ZNF385B: variants seen among roughly 807,000 people sequenced by gnomAD.
ZNF385B encodes the protein zinc finger protein 385B, also known as zinc finger protein 533.
ZNF385B carries 23 observed loss-of-function variants against 39.2 expected under a neutral mutation model. The ratio of observed to expected loss-of-function variants is 0.59; its 90% CI spans 0.42 to 0.83. The LOEUF is 0.83. Ranked by LOEUF, ZNF385B falls within the 40% of genes least tolerant of loss-of-function variation. ZNF385B has a pLI of 0.00. For synonymous variants in ZNF385B, 205 were observed against 222.6 expected (o/e 0.92, Z 0.70); for missense variants, 552 against 598.9 (o/e 0.92, Z 0.82).
chr2:179,467,687 ATCC>A (rs2105503031), intron 6 of ZNF385B, among the ~76,000 whole-genome samples: 1 of 152,256 alleles, frequency 6.6e-6, no homozygotes, highest in African/African-American at 2.4e-5. Flanking sequence ...AGCTTGCTAA[ATCC>A]TAATTAGCTA....
intron 3 of ZNF385B, among the ~76,000 whole-genome samples, chr2:179,563,831 C>T (rs1338261614): frequency 6.6e-6 from 1 of 152,120 alleles, no homozygotes; most frequent in Non-Finnish European, 1.5e-5. Context: ...TAGCTCTCCC[C>T]TAAGAAACCT....
chr2:179,752,043 G>A (rs866532780), intron 3 of ZNF385B, among the ~76,000 whole-genome samples: 4 of 151,830 alleles, frequency 2.6e-5, no homozygotes, highest in Non-Finnish European at 5.9e-5. Flanking sequence ...CCATTAACTC[G>A]TCATTTACAT....
chr2:179,808,851 T>C (rs1301094241), intron 1 of ZNF385B, among the ~76,000 whole-genome samples: 3 of 152,148 alleles, frequency 2.0e-5, no homozygotes, highest in Non-Finnish European at 4.4e-5. Flanking sequence ...ATATTATGAT[T>C]AACAGGAAAA....
intron 6 of ZNF385B, among the ~76,000 whole-genome samples, chr2:179,447,381 A>G (rs957855823): frequency 4.6e-5 from 7 of 152,160 alleles, no homozygotes; most frequent in Admixed American, 1.3e-4. Flanking sequence ...CACCAGTCTA[A>G]ATCAAAAGTT....
chr2:179,530,953 A>C (rs2105857658), intron 4 of ZNF385B, among the ~76,000 whole-genome samples: 1 of 152,310 alleles, frequency 6.6e-6, no homozygotes, highest in South Asian at 2.1e-4. Context: ...CTTCAAAAAA[A>C]AATTGTTTTC....
chr2:179,756,649 C>T (rs1014566898), intron 3 of ZNF385B, among the ~76,000 whole-genome samples: 1 of 151,836 alleles, frequency 6.6e-6, no homozygotes, highest in Admixed American at 6.6e-5. Flanking sequence ...TTCACCTAGT[C>T]CCATATACCT....
intron 3 of ZNF385B, among the ~76,000 whole-genome samples, chr2:179,564,187 G>A (rs1684279644): frequency 6.6e-6 from 1 of 152,088 alleles, no homozygotes; most frequent in African/African-American, 2.4e-5. Context: ...GTTTTAGCCA[G>A]CCCCCTACAT....
At chr2:179,591,458 G>C (rs2106072237) in intron 3 of ZNF385B, among the ~76,000 whole-genome samples, 1 of 152,156 alleles carries the variant, frequency 6.6e-6, no homozygotes, top group South Asian at 2.1e-4. Context: ...TGGGAGGAAG[G>C]GGTTGGCCTG....
intron 4 of ZNF385B, among the ~76,000 whole-genome samples, chr2:179,542,733 G>C (rs751977998): frequency 6.6e-6 from 1 of 152,076 alleles, no homozygotes; most frequent in African/African-American, 2.4e-5. Context: ...TAACAGATTA[G>C]TGCTAATCAT....
At chr2:179,777,371 T>A (rs1435145376) in intron 1 of ZNF385B, among the ~76,000 whole-genome samples, 7 of 152,156 alleles carry the variant, frequency 4.6e-5, no homozygotes, top group Non-Finnish European at 4.4e-5. Context: ...AAGCTATTAA[T>A]TTCATGAAAA....
chr2:179,760,223 C>CACGCGCGTGTGT (rs1553525686), intron 3 of ZNF385B, among the ~76,000 whole-genome samples: 1 of 144,476 alleles, frequency 6.9e-6, no homozygotes, highest in African/African-American at 2.6e-5. Flanking sequence ...TTCCTGTGTG[C>CACGCGCGTGTGT]GTGTGTGTGT....
chr2:179,655,572 GA>G (rs941459261), intron 3 of ZNF385B, among the ~76,000 whole-genome samples: 1 of 151,550 alleles, frequency 6.6e-6, no homozygotes, highest in Admixed American at 6.6e-5. Context: ...GTACTTGGAG[GA>G]AAAAAACAGG....
At chr2:179,469,665 C>T (rs1043655540) in intron 6 of ZNF385B, among the ~76,000 whole-genome samples, 1 of 151,980 alleles carries the variant, frequency 6.6e-6, no homozygotes, top group Non-Finnish European at 1.5e-5. Flanking sequence ...AGTTAGAGTC[C>T]CTCCTAATAC....
At chr2:179,711,936 C>T (rs1427441430) in intron 3 of ZNF385B, among the ~76,000 whole-genome samples, 1 of 131,956 alleles carries the variant, frequency 7.6e-6, no homozygotes, top group Non-Finnish European at 1.6e-5. Flanking sequence ...GTTCGGCCTA[C>T]TGCCACTGGA....
intron 1 of ZNF385B, among the ~76,000 whole-genome samples, chr2:179,848,083 G>A (rs78348143): frequency 0.017 from 2,622 of 152,216 alleles, 28 homozygotes; most frequent in Non-Finnish European, 0.029. Context: ...AGCCAGCCTG[G>A]ATGTAGACTG....
chr2:179,761,385 G>A (rs1052316720), intron 3 of ZNF385B, among the ~76,000 whole-genome samples: 3 of 152,068 alleles, frequency 2.0e-5, no homozygotes, highest in Non-Finnish European at 2.9e-5. Flanking sequence ...TTCTAAACAC[G>A]TGGTATGTCT....
intron 3 of ZNF385B, among the ~76,000 whole-genome samples, chr2:179,702,475 T>C (rs1361549092): frequency 2.0e-5 from 3 of 152,226 alleles, no homozygotes; most frequent in Non-Finnish European, 2.9e-5. Flanking sequence ...GACTCGTTTA[T>C]TGAAAAGCGA....
At chr2:179,445,056 C>T (rs1038250826) in intron 8 of ZNF385B, 79 bp from the exon 9 acceptor site, 2 of 1,240,874 alleles carry the variant, frequency 1.6e-6, no homozygotes, top group African/African-American at 1.5e-5. Flanking sequence ...TAGCTATTTT[C>T]TCCATTGCCA....
At chr2:179,502,201 G>A (rs1476838821) in intron 5 of ZNF385B, among the ~76,000 whole-genome samples, 2 of 152,162 alleles carry the variant, frequency 1.3e-5, no homozygotes, top group East Asian at 1.9e-4. Flanking sequence ...ACAGGTGGAA[G>A]GGACTTGCCT....
Sources: gnomAD v4.1 joint callset for allele counts (sites outside exome capture counted in the v4.1 genomes callset) on GRCh38, gnomAD v4.1.1 for gene constraint, MANE v1.5 for transcripts, NCBI Gene and HGNC (gene_info 2026-07-23, HGNC 2026-07-21) for gene names.